Variants in RNF10 observed in about 807,000 individuals in gnomAD.
RNF10 encodes the protein E3 ubiquitin-protein ligase RNF10.
RNF10 carries 38 observed loss-of-function variants against 91.4 expected under a neutral mutation model. The observed-to-expected ratio is 0.42, with a 90% CI of 0.32 to 0.54. The LOEUF is 0.54. RNF10 is among the 20% of genes least tolerant of loss of function. The pLI is 0.16. For synonymous variants in RNF10, 364 were observed against 366.3 expected (o/e 0.99, Z 0.07); for missense variants, 945 against 1,012.0 (o/e 0.93, Z 0.90).
intron 3 of RNF10, among the ~76,000 whole-genome samples, chr12:120,553,557 C>A (rs2673626): frequency 1 from 151,919 of 151,924 alleles, 75,957 homozygotes; most frequent in Middle Eastern, 1. Context: ...GGCGCCCACC[C>A]CCTGGCTAAT....
At chr12:120,540,758 GAGCATTTCTGTA>G in intron 1 of RNF10, among the ~76,000 whole-genome samples, 1 of 152,262 alleles carries the variant, frequency 6.6e-6, no homozygotes, top group East Asian at 1.9e-4. Flanking sequence ...TCTTATCAGT[GAGCATTTCTGTA>G]AGCATTATGA....
At chr12:120,546,803 G>C (rs1326735261) in intron 2 of RNF10, among the ~76,000 whole-genome samples, 1 of 152,148 alleles carries the variant, frequency 6.6e-6, no homozygotes, top group Non-Finnish European at 1.5e-5. Flanking sequence ...AATTTCTTTG[G>C]AGGAAGGAAA....
At chr12:120,560,335 G>T (rs1321271960) in intron 6 of RNF10, among the ~76,000 whole-genome samples, 1 of 151,764 alleles carries the variant, frequency 6.6e-6, no homozygotes, top group Non-Finnish European at 1.5e-5. Context: ...TGTATCTTTA[G>T]TAGAGACGGG....
At position 120,541,535 on chromosome 12, in the gene RNF10, C is replaced by T. The variant is rs532271915; in HGVS notation, c.158-4870C>T. ...CTGCTAGCCCCGCCTCCCGGGTTCA[C>T]GCCATTCTCCTGCCTCAGCCTCCCG... On this transcript the variant is annotated intron_variant, in intron 1 of 16. Transcript: ENST00000325954. Among the ~76,000 whole-genome samples, 5 of 151,256 alleles carry T rather than the reference C, an allele frequency of 3.3e-5. No individual in the cohort carries two copies. The East Asian group carries it at 5.9e-4, about 18-fold the overall frequency.
chr12:120,545,554 T>G (rs1467831659), intron 1 of RNF10, among the ~76,000 whole-genome samples: 1 of 151,758 alleles, frequency 6.6e-6, no homozygotes, highest in Non-Finnish European at 1.5e-5. Context: ...ATTAAATTTT[T>G]TTTTGAGATA....
intron 6 of RNF10, among the ~76,000 whole-genome samples, chr12:120,559,176 C>CTTTTTTTT (rs34120761): frequency 3.1e-5 from 3 of 95,806 alleles, no homozygotes; most frequent in African/African-American, 5.5e-5. Context: ...TTGAACTACT[C>CTTTTTTTT]TTTTTTTTTT....
Position 120,577,330 on chromosome 12 carries a change from T to C in RNF10, c.*664T>C. 2.7e-6 allele frequency: 1 copy of C among 372,286 alleles called. No homozygotes were observed. Among genetic ancestry groups the C allele is most frequent in the Non-Finnish European group, 5.2e-6 (1 of 192,466 alleles). The allele number at this position is 372,286 out of a possible 1,614,324, so 23.1% of individuals were successfully genotyped here. The stretch of plus-strand genomic sequence containing the variant: ...AGGAAAGCTGTAACTCACGAAGCCC[T>C]GAGACCTGCTACCCCTAAGATCGAG... On this transcript the variant is annotated 3_prime_UTR_variant, in exon 17 of 17. Transcript: ENST00000325954.
Position 120,566,989 on chromosome 12 carries a change from G to A in RNF10, c.2041+9G>A, listed in dbSNP as rs745749962. On this transcript the variant is annotated intron_variant, in intron 13 of 16. Transcript: ENST00000325954. Reference sequence around the variant, plus strand: ...TCCAGGTTCCCATGCAGGTAAACAGGTGAAATTTAATGAATTCACCCATCA... The same window carrying A: ...TCCAGGTTCCCATGCAGGTAAACAGATGAAATTTAATGAATTCACCCATCA... The A allele has an allele frequency of 7.5e-6, 12 of 1,593,626 alleles. No homozygotes were observed. The African/African-American group carries it at 1.5e-4, about 20-fold the overall frequency.
chr12:120,551,226 T>G (rs1873005507), intron 2 of RNF10, among the ~76,000 whole-genome samples: 1 of 149,998 alleles, frequency 6.7e-6, no homozygotes, highest in Non-Finnish European at 1.5e-5. Context: ...CCTCAAATGA[T>G]CCTCCCTCCT....
chr12:120,575,920 G>C lies in RNF10; in HGVS notation c.2329G>C (p.Asp777His). 1.2e-6 allele frequency: 2 copies of C among 1,613,972 alleles called. No homozygotes were observed. Among genetic ancestry groups the C allele is most frequent in the South Asian group, 1.1e-5 (1 of 91,076 alleles). Residue 777 changes from aspartate to histidine, a missense_variant, in exon 16 of 17, where the codon GAC becomes CAC. Coordinates refer to ENST00000325954, the MANE Select transcript of RNF10 (RefSeq NM_014868.5). ...TATTGAAGCAGCCTTCATGAAACTGGACACACCAGCTACTTCAGATCCCCT... is the reference window on the plus strand; with the variant it reads ...TATTGAAGCAGCCTTCATGAAACTGCACACACCAGCTACTTCAGATCCCCT... The part of the protein sequence containing the change: ...QAIEAAFMKL[D>H]TPATSDPLSE...
chr12:120,570,970 G>C (rs1454829059), intron 13 of RNF10, among the ~76,000 whole-genome samples: 1 of 152,106 alleles, frequency 6.6e-6, no homozygotes, highest in Admixed American at 6.5e-5. Context: ...CTGTAACGAT[G>C]AAGCTCTTCC....
intron 14 of RNF10, among the ~76,000 whole-genome samples, chr12:120,573,286 T>A (rs891156007): frequency 2.6e-5 from 4 of 152,216 alleles, no homozygotes; most frequent in Non-Finnish European, 5.9e-5. Flanking sequence ...ATCCTGTTAC[T>A]CCCTGCATTT....
At position 120,546,421 on chromosome 12, in the gene RNF10, T is replaced by C. The variant is rs1218038438; in HGVS notation, c.174T>C (p.Ser58=). 6.2e-7 allele frequency: 1 copy of C among 1,610,904 alleles called. No homozygotes were observed. Among genetic ancestry groups the C allele is most frequent in the Admixed American group, 1.7e-5 (1 of 58,942 alleles). ...TGCTTTCAGATGGAAAGAACTCCAG[T>C]GGATCCAAGCGTTATAATCGCAAAC... is the stretch of plus-strand genomic sequence containing the variant. The part of the protein sequence containing the change: ...SKPKSDGKNS[S]GSKRYNRKRE... Residue 58 remains serine, a synonymous_variant, in exon 2 of 17, where the codon AGT becomes AGC. Transcript: ENST00000325954.
rs760523271 is a variant in RNF10, at chr12:120,575,833, G to C, written c.2242G>C (p.Gly748Arg). ...TCCTCCTGCCCCTGTGGACAGCGAC[G>C]GGGAGAGTGATAATTCAGACCGTGT... The part of the protein sequence containing the change: ...LVPPAPVDSD[G>R]ESDNSDRVPV... The change falls in exon 16 of 17, where the codon GGG (glycine) becomes CGG (arginine). Residue 748 changes from glycine to arginine, a missense_variant. Coordinates refer to ENST00000325954, the MANE Select transcript of RNF10 (RefSeq NM_014868.5). The C allele has an allele frequency of 1.2e-6, 2 of 1,614,148 alleles. No individual in the cohort carries two copies. Among genetic ancestry groups the C allele is most frequent in the Non-Finnish European group, 1.7e-6 (2 of 1,180,026 alleles).
At chr12:120,558,944 A>G (rs1874410571) in intron 6 of RNF10, among the ~76,000 whole-genome samples, 1 of 151,854 alleles carries the variant, frequency 6.6e-6, no homozygotes, top group Admixed American at 6.6e-5. Context: ...TTTATTTGAG[A>G]TGGAATCTCA....
chr12:120,545,152 T>C (rs535556475), intron 1 of RNF10, among the ~76,000 whole-genome samples: 21 of 152,214 alleles, frequency 1.4e-4, no homozygotes, highest in African/African-American at 4.8e-4. Context: ...TGAACACATA[T>C]TATAATTGAA....
At chr12:120,567,889 A>G (rs1361171903) in intron 13 of RNF10, among the ~76,000 whole-genome samples, 3 of 151,930 alleles carry the variant, frequency 2.0e-5, no homozygotes, top group Non-Finnish European at 2.9e-5. Context: ...GTGTATGTAT[A>G]TATATATATG....
Position 120,565,180 on chromosome 12 carries a change from A to T in RNF10, c.1774A>T (p.Met592Leu). 1 of 1,605,622 alleles carries T rather than the reference A, an allele frequency of 6.2e-7. No individual in the cohort carries two copies. Among genetic ancestry groups the T allele is most frequent in the South Asian group, 1.1e-5 (1 of 90,884 alleles). Residue 592 changes from methionine (M) to leucine (L), a missense_variant, in exon 11 of 17, where the codon ATG (methionine) becomes TTG (leucine). Transcript: ENST00000325954. Reference protein sequence around the residue: ...PPVVSKETLEMFSDDIEKRKR... With the variant: ...PPVVSKETLELFSDDIEKRKR... ...TGTGGTCTCTAAGGAAACCCTAGAG[A>T]TGTTCTCAGGTGAGAATGCCCCTGC...
intron 2 of RNF10, among the ~76,000 whole-genome samples, chr12:120,549,977 A>G (rs981113133): frequency 6.6e-6 from 1 of 152,034 alleles, no homozygotes; most frequent in African/African-American, 2.4e-5. Flanking sequence ...AGAATGCTCA[A>G]AGTTAAGATA....
Sources: gnomAD v4.1 joint callset for allele counts (sites outside exome capture counted in the v4.1 genomes callset) on GRCh38, gnomAD v4.1.1 for gene constraint, MANE v1.5 for transcripts, NCBI Gene and HGNC (gene_info 2026-07-23, HGNC 2026-07-21) for gene names.